ARPC1B: variants seen among roughly 807,000 people sequenced by gnomAD.
The protein encoded by ARPC1B is actin-related protein 2/3 complex subunit 1B.
A neutral mutation model predicts 46.0 loss-of-function variants in ARPC1B; 29 were observed. The ratio of observed to expected loss-of-function variants is 0.63; its 90% CI spans 0.47 to 0.86. The LOEUF (loss-of-function observed/expected upper bound fraction) is 0.86, where lower values mean the gene tolerates loss of function less well. Ranked by LOEUF, ARPC1B falls within the 40% of genes least tolerant of loss-of-function variation. ARPC1B has a pLI of 0.00. For missense variants in ARPC1B, 469 were observed against 529.4 expected, an observed-to-expected ratio of 0.89 and a Z score of 1.12; for synonymous variants, 201 against 213.9, an observed-to-expected ratio of 0.94 and a Z score of 0.53.
chr7:99,377,996 C>T lies in ARPC1B; in HGVS notation c.-14+3215C>T, dbSNP rs115419222. 4.8e-3 allele frequency among the ~76,000 whole-genome samples: 726 copies of T among 152,182 alleles called. 5 individuals carry two copies. Among genetic ancestry groups the T allele is most frequent in the African/African-American group, 0.016 (676 of 41,518 alleles). ...CTCAACATGTTAATGTCATAATTTACTCTTTCCATATTGTCACCTGGGTTT... is the reference window on the plus strand; with the variant it reads ...CTCAACATGTTAATGTCATAATTTATTCTTTCCATATTGTCACCTGGGTTT... On this transcript the variant is annotated intron_variant, in intron 1 of 9. Transcript: ENST00000646101.
Position 99,394,606 on chromosome 7 carries a change from G to A in ARPC1B, c.*117G>A. 2 of 1,543,474 alleles carry A rather than the reference G, an allele frequency of 1.3e-6. No homozygotes were observed. The highest frequency in any genetic ancestry group is 1.7e-4 in the Middle Eastern group (1 of 5,728). ...GGGTACCAATACGAGTTCCCATAGGGGCTGCTCCCTCAAAAAGGGAGGGGA... is the reference window on the plus strand; with the variant it reads ...GGGTACCAATACGAGTTCCCATAGGAGCTGCTCCCTCAAAAAGGGAGGGGA... On this transcript the variant is annotated 3_prime_UTR_variant, in exon 10 of 10. Coordinates refer to ENST00000646101, the MANE Select transcript of ARPC1B (RefSeq NM_005720.4).
intron 1 of ARPC1B, among the ~76,000 whole-genome samples, chr7:99,381,114 A>C (rs1308008783): frequency 6.6e-6 from 1 of 152,186 alleles, no homozygotes; most frequent in East Asian, 1.9e-4. Flanking sequence ...ACCTGCTGAC[A>C]TGGCTGAGGG....
At chr7:99,383,599 C>T (rs1041653400) in intron 1 of ARPC1B, among the ~76,000 whole-genome samples, 3 of 152,172 alleles carry the variant, frequency 2.0e-5, no homozygotes, top group Non-Finnish European at 4.4e-5. Flanking sequence ...TTACGAAGTG[C>T]CGGACCGTGG....
At chr7:99,385,902 C>G in intron 2 of ARPC1B, 124 bp downstream of exon 2, 3 of 984,188 alleles carry the variant, frequency 3.0e-6, no homozygotes, top group Non-Finnish European at 4.5e-6. Flanking sequence ...GTGGCTGTCC[C>G]CTGGCCTCAC....
At chr7:99,381,083 G>A (rs1231036291) in intron 1 of ARPC1B, among the ~76,000 whole-genome samples, 1 of 152,202 alleles carries the variant, frequency 6.6e-6, no homozygotes, top group East Asian at 1.9e-4. Context: ...CACAGGAAAC[G>A]CTCAGGGAAA....
At chr7:99,390,040 G>A (rs533235245) in intron 5 of ARPC1B, 28 bp downstream of exon 5, 39 of 1,591,326 alleles carry the variant, frequency 2.5e-5, no homozygotes, top group Middle Eastern at 1.7e-4. Context: ...GGGGGAGGGC[G>A]GGGCTGACGT....
chr7:99,390,085 C>A (rs777893386), intron 5 of ARPC1B, 73 bp downstream of exon 5: 4 of 1,361,864 alleles, frequency 2.9e-6, no homozygotes, highest in African/African-American at 1.4e-5. Flanking sequence ...GGGAGCCGCA[C>A]CTGAAAGCTC....
At chr7:99,390,472 G>A (rs1312810414) in intron 5 of ARPC1B, among the ~76,000 whole-genome samples, 1 of 151,862 alleles carries the variant, frequency 6.6e-6, no homozygotes, top group Non-Finnish European at 1.5e-5. Context: ...GAGTTCAAGC[G>A]ATCAAGCGAT....
rs144283768 is a variant in ARPC1B at position 99,386,437 on chromosome 7, G to A, written c.65-248G>A. ...CAGCAGGAGCAGCGAAGGGTTCCTG[G>A]TTGGCCAGAGCAATAGGGTGGGGAG... On this transcript the variant is annotated intron_variant, in intron 2 of 9. Coordinates refer to ENST00000646101, the MANE Select transcript of ARPC1B (RefSeq NM_005720.4). 212 of 600,220 alleles carry A rather than the reference G, an allele frequency of 3.5e-4. 1 individual carries two copies. Among genetic ancestry groups the A allele is most frequent in the Non-Finnish European group, 5.7e-4 (181 of 320,198 alleles). The allele number at this position is 600,220 out of a possible 1,614,324, so 37.2% of individuals were successfully genotyped here. A position where few individuals can be genotyped will look rare whatever the true frequency, so the allele number is the denominator to read the frequency against.
chr7:99,377,255 T>C, intron 1 of ARPC1B: 1 of 152,026 alleles, frequency 6.6e-6, no homozygotes. Flanking sequence ...TGCCTTGGCC[T>C]CCCAAAGTGC....
At chr7:99,379,011 T>C (rs1794125958) in intron 1 of ARPC1B, among the ~76,000 whole-genome samples, 2 of 152,048 alleles carry the variant, frequency 1.3e-5, no homozygotes, top group East Asian at 3.9e-4. Context: ...TCTCCTGACC[T>C]CGTGATCCAC....
intron 7 of ARPC1B, among the ~76,000 whole-genome samples, chr7:99,391,881 ATC>A (rs1197837481): frequency 6.6e-6 from 1 of 151,186 alleles, no homozygotes; most frequent in Non-Finnish European, 1.5e-5. Context: ...GCAAAACCCC[ATC>A]TCTACTAAAA....
chr7:99,382,718 C>G (rs1234635175), intron 1 of ARPC1B, among the ~76,000 whole-genome samples: 1 of 152,112 alleles, frequency 6.6e-6, no homozygotes, highest in Non-Finnish European at 1.5e-5. Flanking sequence ...AAGCAATCCT[C>G]CTGCCTAGGC....
intron 1 of ARPC1B, among the ~76,000 whole-genome samples, chr7:99,375,143 GCTTCCGCCTCGTGC>G (rs1584394622): frequency 6.6e-6 from 1 of 152,136 alleles, no homozygotes; most frequent in East Asian, 1.9e-4. Context: ...CCGGCCCCAA[GCTTCCGCCTCGTGC>G]CTTCCGCCCC....
intron 9 of ARPC1B, 41 bp downstream of exon 9, chr7:99,394,160 G>A (rs1456889705): frequency 6.9e-6 from 11 of 1,599,424 alleles, no homozygotes; most frequent in Middle Eastern, 1.6e-4. Flanking sequence ...TGCCTCCCAG[G>A]TCAACCCTTT....
chr7:99,393,755 T>A (rs184541809), intron 8 of ARPC1B, among the ~76,000 whole-genome samples: 14 of 152,212 alleles, frequency 9.2e-5, no homozygotes, highest in Non-Finnish European at 1.9e-4. Context: ...CATCTCCTTT[T>A]TTGTCCTGTC....
chr7:99,386,876 G>C, intron 3 of ARPC1B, 87 bp downstream of exon 3: 1 of 975,256 alleles, frequency 1.0e-6, no homozygotes, highest in Non-Finnish European at 1.6e-6. Context: ...CACTCATTGT[G>C]GAGCATCTGC....
chr7:99,392,327 C>T (rs1794594189), intron 7 of ARPC1B, among the ~76,000 whole-genome samples: 1 of 152,194 alleles, frequency 6.6e-6, no homozygotes, highest in Non-Finnish European at 1.5e-5. Flanking sequence ...CCTTTTCACC[C>T]CTCTGCAAAC....
At chr7:99,379,924 C>T (rs572045510) in intron 1 of ARPC1B, among the ~76,000 whole-genome samples, 14 of 152,114 alleles carry the variant, frequency 9.2e-5, no homozygotes, top group African/African-American at 3.1e-4. Flanking sequence ...GGATTACAGG[C>T]GTGAGCCACT....
Sources: gnomAD v4.1 joint callset for allele counts (sites outside exome capture counted in the v4.1 genomes callset) on GRCh38, gnomAD v4.1.1 for gene constraint, MANE v1.5 for transcripts, NCBI Gene and HGNC (gene_info 2026-07-23, HGNC 2026-07-21) for gene names.